The following IHO1 variants were observed in gnomAD, a reference collection of about 807,000 sequenced individuals.
IHO1 encodes the protein interactor of HORMAD1 protein 1.
IHO1 carries 13 observed loss-of-function variants against 31.0 expected under a neutral mutation model. The observed-to-expected ratio is 0.42, with a 90% CI of 0.27 to 0.67. The LOEUF is 0.67. Among genes scored for constraint, IHO1 ranks in the 30% least tolerant of loss-of-function variants. The pLI is 0.24. For synonymous variants in IHO1, 221 were observed against 248.4 expected (o/e 0.89, Z 1.04); for missense variants, 599 against 687.5 (o/e 0.87, Z 1.44).
upstream of IHO1, among the ~76,000 whole-genome samples, chr3:49,194,084 A>G (rs2045982501): frequency 1.3e-5 from 2 of 151,202 alleles, no homozygotes; most frequent in Non-Finnish European, 2.9e-5. Flanking sequence ...CCTGGCCAAC[A>G]TGGTGAAACC....
upstream of IHO1, among the ~76,000 whole-genome samples, chr3:49,194,670 C>T (rs572754325): frequency 1.3e-5 from 2 of 150,230 alleles, no homozygotes; most frequent in South Asian, 2.1e-4. Flanking sequence ...CCGAGGTGGG[C>T]GAATTGCTTC....
intron 6 of IHO1, among the ~76,000 whole-genome samples, chr3:49,253,162 A>C (rs774887776): frequency 2.6e-5 from 4 of 152,076 alleles, no homozygotes; most frequent in African/African-American, 4.8e-5. Flanking sequence ...ATGGTGGCTT[A>C]TGCCTGTAAT....
intron 1 of IHO1, among the ~76,000 whole-genome samples, chr3:49,203,516 TG>T (rs756319537): frequency 1.3e-5 from 2 of 152,142 alleles, no homozygotes; most frequent in Non-Finnish European, 2.9e-5. Context: ...GGGAAGAGAC[TG>T]GAGTGGGACA....
At chr3:49,229,651 G>T (rs192758751) in intron 2 of IHO1, among the ~76,000 whole-genome samples, 271 of 152,266 alleles carry the variant, frequency 1.8e-3, no homozygotes, top group Middle Eastern at 3.4e-3. Flanking sequence ...GAAATTTAAA[G>T]GTTTAGTAGA....
intron 2 of IHO1, among the ~76,000 whole-genome samples, chr3:49,223,990 T>G (rs2046386856): frequency 6.6e-6 from 1 of 152,188 alleles, no homozygotes. Context: ...CCTCACAGGC[T>G]TTGACTACCT....
In IHO1 at chr3:49,256,769, T is replaced by C. The variant is rs1452377202; in HGVS notation, c.1272T>C (p.His424=). 1.2e-6 allele frequency: 2 copies of C among 1,614,084 alleles called. No individual in the cohort carries two copies. Among genetic ancestry groups the C allele is most frequent in the Admixed American group, 3.3e-5 (2 of 59,998 alleles). The change falls in exon 8 of 8, where the codon CAT becomes CAC. Residue 424 remains histidine (H), a synonymous_variant. Coordinates refer to ENST00000452691, the MANE Select transcript of IHO1 (RefSeq NM_001135197.2). This position sits in a 1 kb window ranked among gnomAD's most constrained non-coding sequence, Gnocchi z 4.6. ...TGTTTTTGTGTGACCCACGTGAACA[T>C]TTGGTGATTAAACAGAAAGATGGGA... ...QSMFLCDPRE[H]LVIKQKDGTV... is the part of the protein sequence containing the mutation.
chr3:49,236,597 C>G lies in IHO1; in HGVS notation c.106C>G (p.Leu36Val). 1 of 1,613,240 alleles carries G rather than the reference C, an allele frequency of 6.2e-7. No homozygotes were observed. The highest frequency in any genetic ancestry group is 1.1e-5 in the South Asian group (1 of 91,048). The change falls in exon 3 of 8, where the codon CTC (leucine) becomes GTC (valine). Residue 36 changes from leucine (L) to valine (V), a missense_variant. Coordinates refer to ENST00000452691, the MANE Select transcript of IHO1 (RefSeq NM_001135197.2). ...TAATAATCAAAATGATTATTCCAGT[C>G]TCAGTGATTCCCAGTTCCTCTTTGG... ...WNNNQNDYSS[L>V]SDSQFLFGSQ...
chr3:49,226,210 C>T (rs1041514300), intron 2 of IHO1, among the ~76,000 whole-genome samples: 6 of 152,016 alleles, frequency 3.9e-5, no homozygotes, highest in Non-Finnish European at 8.8e-5. Context: ...CTCACTTTTC[C>T]TTTTGGGCCT....
the IHO1 span, among the ~76,000 whole-genome samples, chr3:49,193,310 T>C: frequency 3.9e-3 from 596 of 151,518 alleles, 4 homozygotes; most frequent in Middle Eastern, 0.01. Flanking sequence ...AAGTGGAGAC[T>C]GCAGTAAATG....
At chr3:49,201,000 T>TG (rs2046062506) in intron 1 of IHO1, among the ~76,000 whole-genome samples, 2 of 66,290 alleles carry the variant, frequency 3.0e-5, no homozygotes, top group Admixed American at 2.0e-4. Context: ...ACCACAGTTT[T>TG]TTGTTTTTTT....
intron 2 of IHO1, among the ~76,000 whole-genome samples, chr3:49,223,174 T>C (rs1202555417): frequency 6.6e-6 from 1 of 152,210 alleles, no homozygotes; most frequent in Non-Finnish European, 1.5e-5. Flanking sequence ...GCATTTCATA[T>C]GGACTGAGCC....
chr3:49,212,870 T>A (rs989501639), intron 2 of IHO1, among the ~76,000 whole-genome samples: 26 of 152,342 alleles, frequency 1.7e-4, no homozygotes, highest in Non-Finnish European at 3.1e-4. Context: ...TGGAAGAGGA[T>A]CGGAGCTGGT....
intron 1 of IHO1, among the ~76,000 whole-genome samples, chr3:49,210,489 C>T (rs1007807757): frequency 6.6e-6 from 1 of 151,468 alleles, no homozygotes; most frequent in African/African-American, 2.4e-5. Context: ...CCTCTGCCTC[C>T]CCGGTTCCAG....
At chr3:49,252,335 G>A (rs2046770491) in intron 6 of IHO1, 2 of 153,414 alleles carry the variant, frequency 1.3e-5, no homozygotes, top group African/African-American at 4.8e-5. Flanking sequence ...CCAGTGGGGT[G>A]GCACAGCCCT....
intron 1 of IHO1, among the ~76,000 whole-genome samples, chr3:49,203,175 A>G (rs2046092185): frequency 6.6e-6 from 1 of 152,104 alleles, no homozygotes; most frequent in African/African-American, 2.4e-5. Context: ...CCTAGAGGTT[A>G]CAAGTTTGAA....
At chr3:49,246,462 T>C (rs773366452) in intron 6 of IHO1, among the ~76,000 whole-genome samples, 1 of 151,870 alleles carries the variant, frequency 6.6e-6, no homozygotes, top group Non-Finnish European at 1.5e-5. Context: ...CTGGCCAAAA[T>C]GACGAAAGCC....
chr3:49,191,985 C>T, the IHO1 span: 1 of 599,482 alleles, frequency 1.7e-6, no homozygotes. Flanking sequence ...AAACCTGCCC[C>T]TTGGCATTAA....
Position 49,200,561 on chromosome 3 carries a change from T to A in IHO1, c.-16+988T>A. On this transcript the variant is annotated intron_variant, in intron 1 of 7. Coordinates refer to ENST00000452691, the MANE Select transcript of IHO1 (RefSeq NM_001135197.2). ...AGTAGAGTTGACGACGGTGGTCAGA[T>A]GAGGTAGTCCATGCCAATCGGGGCG... 2 of 978,040 alleles carry A rather than the reference T, an allele frequency of 2.0e-6. 1 individual carries two copies. Among genetic ancestry groups the A allele is most frequent in the Admixed American group, 1.3e-4 (2 of 15,990 alleles). 60.6% of individuals were successfully genotyped at this position (978,040 alleles called of 1,614,324 possible). A position where few individuals can be genotyped will look rare whatever the true frequency, so the allele number is the denominator to read the frequency against.
chr3:49,230,970 T>C (rs574013544), intron 2 of IHO1, among the ~76,000 whole-genome samples: 1 of 152,232 alleles, frequency 6.6e-6, no homozygotes, highest in Non-Finnish European at 1.5e-5. Context: ...GAAAAGCAAG[T>C]CCATAAGGCT....
Sources: allele counts gnomAD v4.1 joint callset (sites outside exome capture counted in the v4.1 genomes callset), GRCh38; gene constraint gnomAD v4.1.1; non-coding constraint Gnocchi (gnomAD v3.1); transcripts MANE v1.5; gene names NCBI Gene and HGNC (gene_info 2026-07-23, HGNC 2026-07-21).